TRAPPC9: variants seen among roughly 807,000 people sequenced by gnomAD.
TRAPPC9 encodes IKK2 binding protein.
In TRAPPC9, 83 loss-of-function variants were observed where a neutral mutation model predicts 124.0. The ratio of observed to expected loss-of-function variants is 0.67; its 90% confidence interval spans 0.56 to 0.80. TRAPPC9 has a LOEUF of 0.80. Ranked by LOEUF, TRAPPC9 falls within the 30% of genes least tolerant of loss-of-function variation. TRAPPC9 has a pLI of 0.00. For synonymous variants in TRAPPC9, 638 were observed against 617.5 expected, an observed-to-expected ratio of 1.03 and a Z score of -0.49; for missense variants, 1,302 against 1,508.3, an observed-to-expected ratio of 0.86 and a Z score of 2.27.
intron 21 of TRAPPC9, among the ~76,000 whole-genome samples, chr8:139,756,354 G>C (rs544634998): frequency 1.3e-4 from 14 of 104,882 alleles, no homozygotes; most frequent in Middle Eastern, 7.8e-3. Flanking sequence ...GAGCCAGGGT[G>C]GGGGTAGAGG....
intron 17 of TRAPPC9, among the ~76,000 whole-genome samples, chr8:140,077,209 A>G (rs1843562360): frequency 6.6e-6 from 1 of 152,184 alleles, no homozygotes; most frequent in Non-Finnish European, 1.5e-5. Flanking sequence ...AAATATAAAT[A>G]TAATACATAT....
intron 17 of TRAPPC9, among the ~76,000 whole-genome samples, chr8:140,114,118 G>A (rs2060833161): frequency 6.6e-6 from 1 of 152,112 alleles, no homozygotes; most frequent in Non-Finnish European, 1.5e-5. Context: ...TAGCTGGTCT[G>A]AGTTCCTCAC....
chr8:140,138,400 C>G (rs1158343317), intron 17 of TRAPPC9, among the ~76,000 whole-genome samples: 1 of 152,204 alleles, frequency 6.6e-6, no homozygotes, highest in Non-Finnish European at 1.5e-5. Flanking sequence ...CACACAATCT[C>G]TCTCTGGGCT....
intron 7 of TRAPPC9, among the ~76,000 whole-genome samples, chr8:140,374,075 G>C (rs902924693): frequency 6.6e-6 from 1 of 152,202 alleles, no homozygotes; most frequent in Non-Finnish European, 1.5e-5. Flanking sequence ...GTCCTCATCT[G>C]AGAAAAATCT....
intron 21 of TRAPPC9, among the ~76,000 whole-genome samples, chr8:139,852,376 T>TCA (rs1827536747): frequency 6.6e-6 from 1 of 152,196 alleles, no homozygotes; most frequent in African/African-American, 2.4e-5. Context: ...CCATGTTATT[T>TCA]CTGGTACCGG....
chr8:139,887,185 G>A (rs1002928341), intron 20 of TRAPPC9, among the ~76,000 whole-genome samples: 1 of 151,340 alleles, frequency 6.6e-6, no homozygotes, highest in African/African-American at 2.4e-5. Flanking sequence ...GGGGGCTCGG[G>A]AACCTCTACC....
intron 7 of TRAPPC9, among the ~76,000 whole-genome samples, chr8:140,380,831 C>T (rs376536717): frequency 1.3e-5 from 2 of 151,730 alleles, no homozygotes; most frequent in East Asian, 3.9e-4. Flanking sequence ...ATATATAACA[C>T]CAAAAACACG....
intron 20 of TRAPPC9, among the ~76,000 whole-genome samples, chr8:139,900,611 ATC>A (rs1830959388): frequency 6.6e-6 from 1 of 152,232 alleles, no homozygotes; most frequent in Admixed American, 6.5e-5. Context: ...CATGTGTGCC[ATC>A]TCAGTTAATC....
intron 17 of TRAPPC9, among the ~76,000 whole-genome samples, chr8:140,089,845 C>T (rs1347959338): frequency 2.0e-5 from 3 of 151,974 alleles, no homozygotes; most frequent in Admixed American, 6.5e-5. Flanking sequence ...TTTGGGAGGC[C>T]GAGGCGGGCA....
chr8:139,785,280 A>C (rs1373770327), intron 21 of TRAPPC9, among the ~76,000 whole-genome samples: 1 of 152,198 alleles, frequency 6.6e-6, no homozygotes, highest in Non-Finnish European at 1.5e-5. Flanking sequence ...ACTCAAAATG[A>C]ATCAGAGGCC....
At chr8:140,196,825 C>T (rs1341584453) in intron 17 of TRAPPC9, among the ~76,000 whole-genome samples, 8 of 152,092 alleles carry the variant, frequency 5.3e-5, no homozygotes, top group African/African-American at 9.7e-5. Context: ...CTGTACAGAT[C>T]GCACCTGTGA....
chr8:139,771,523 G>A (rs1201766170), intron 21 of TRAPPC9, among the ~76,000 whole-genome samples: 1 of 152,150 alleles, frequency 6.6e-6, no homozygotes, highest in Non-Finnish European at 1.5e-5. Flanking sequence ...CCTTGGGGTA[G>A]GTTTTGAAAT....
intron 5 of TRAPPC9, among the ~76,000 whole-genome samples, chr8:140,412,670 G>T (rs2069749186): frequency 6.6e-6 from 1 of 152,064 alleles, no homozygotes; most frequent in Non-Finnish European, 1.5e-5. Context: ...TAACAACTGG[G>T]AAATACGGGT....
At chr8:139,903,956 A>T (rs1057471460) in intron 20 of TRAPPC9, among the ~76,000 whole-genome samples, 2 of 151,826 alleles carry the variant, frequency 1.3e-5, no homozygotes, top group African/African-American at 4.8e-5. Flanking sequence ...GTTGCAGTGA[A>T]CCTCTCTGCA....
At chr8:140,413,386 C>CA (rs565034430) in intron 5 of TRAPPC9, among the ~76,000 whole-genome samples, 8 of 150,590 alleles carry the variant, frequency 5.3e-5, no homozygotes, top group African/African-American at 1.7e-4. Flanking sequence ...GAGACTGTCT[C>CA]AAAAAAAATA....
chr8:140,250,413 C>T (rs552998067), intron 16 of TRAPPC9, among the ~76,000 whole-genome samples: 18 of 152,200 alleles, frequency 1.2e-4, no homozygotes, highest in African/African-American at 4.3e-4. Context: ...CGAGTCCATG[C>T]CTGAGAATCA....
At chr8:140,405,016 G>A (rs1049272184) in intron 6 of TRAPPC9, among the ~76,000 whole-genome samples, 1 of 151,994 alleles carries the variant, frequency 6.6e-6, no homozygotes. Context: ...GTTAATAAGA[G>A]TAGAGGAGGT....
intron 17 of TRAPPC9, among the ~76,000 whole-genome samples, chr8:140,220,964 A>G (rs779373228): frequency 6.6e-6 from 1 of 152,068 alleles, no homozygotes; most frequent in Non-Finnish European, 1.5e-5. Flanking sequence ...AGGCCTCTCC[A>G]CGGAGCCAGC....
intron 4 of TRAPPC9, among the ~76,000 whole-genome samples, chr8:140,432,408 A>C (rs1277043124): frequency 1.3e-5 from 2 of 152,232 alleles, no homozygotes; most frequent in Non-Finnish European, 2.9e-5. Flanking sequence ...AACTAATCTT[A>C]GAACAGGAAG....
Sources: gnomAD v4.1 joint callset for allele counts (sites outside exome capture counted in the v4.1 genomes callset) on GRCh38, gnomAD v4.1.1 for gene constraint, MANE v1.5 for transcripts, NCBI Gene and HGNC (gene_info 2026-07-23, HGNC 2026-07-21) for gene names.